Variants in EEF2K observed in about 807,000 individuals in gnomAD.
EEF2K encodes the protein eukaryotic elongation factor 2 kinase, also known as alternative protein EEF2K.
In EEF2K, 70 loss-of-function variants were observed where a neutral mutation model predicts 93.8. The ratio of observed to expected loss-of-function variants is 0.75; its 90% CI spans 0.62 to 0.91. The LOEUF is 0.91. Among genes scored for constraint, EEF2K ranks in the 40% least tolerant of loss-of-function variants. The probability of loss-of-function intolerance (pLI) is 0.00; values close to 1 mark genes in which losing one functional copy is unlikely to be tolerated. For missense variants in EEF2K, 935 were observed against 972.9 expected, an observed-to-expected ratio of 0.96 and a Z score of 0.52; for synonymous variants, 376 against 380.8, an observed-to-expected ratio of 0.99 and a Z score of 0.15.
At chr16:22,231,693 CA>C (rs2047116808) in intron 2 of EEF2K, among the ~76,000 whole-genome samples, 1 of 151,892 alleles carries the variant, frequency 6.6e-6, no homozygotes, top group African/African-American at 2.4e-5. Flanking sequence ...ACCCCCTCCT[CA>C]AAACTCATCA....
At chr16:22,220,820 C>T (rs1049913153) in intron 1 of EEF2K, among the ~76,000 whole-genome samples, 5 of 152,230 alleles carry the variant, frequency 3.3e-5, no homozygotes, top group Non-Finnish European at 7.3e-5. Context: ...TGGCCCTCCT[C>T]CTGGCACTGT....
intron 6 of EEF2K, among the ~76,000 whole-genome samples, chr16:22,253,971 C>T (rs959641382): frequency 6.6e-5 from 10 of 152,020 alleles, no homozygotes; most frequent in Admixed American, 4.6e-4. Context: ...TGGTGGTGCA[C>T]GCCTGTAATC....
At chr16:22,257,125 T>C in intron 7 of EEF2K, 128 bp from the exon 8 acceptor site, 1 of 1,513,220 alleles carries the variant, frequency 6.6e-7, no homozygotes, top group Non-Finnish European at 8.9e-7. Flanking sequence ...GAGGCCTTTT[T>C]CCTTTGTCTT....
chr16:22,214,428 T>G (rs2046940968), intron 1 of EEF2K, among the ~76,000 whole-genome samples: 2 of 142,370 alleles, frequency 1.4e-5, no homozygotes, highest in African/African-American at 5.3e-5. Flanking sequence ...GGTGACAGAG[T>G]GAGACCCTGT....
intron 16 of EEF2K, among the ~76,000 whole-genome samples, chr16:22,274,196 A>G (rs2047612825): frequency 6.6e-6 from 1 of 152,092 alleles, no homozygotes; most frequent in Admixed American, 6.6e-5. Flanking sequence ...TAATCTTAGC[A>G]CTTTGGGAGG....
intron 15 of EEF2K, among the ~76,000 whole-genome samples, chr16:22,268,318 A>G (rs944966651): frequency 6.6e-6 from 1 of 151,948 alleles, no homozygotes; most frequent in African/African-American, 2.4e-5. Flanking sequence ...AGCTGGGATT[A>G]CAGGTGCCTG....
rs781233444 is a variant in EEF2K at position 22,283,884 on chromosome 16, C to T, written c.2069-3C>T. 5.0e-6 allele frequency: 8 copies of T among 1,586,528 alleles called. No individual in the cohort carries two copies. In the South Asian group the frequency reaches 8.1e-5, roughly 16 times the overall value. On this transcript the variant is annotated splice_region_variant and splice_polypyrimidine_tract_variant and intron_variant, in intron 17 of 17. Coordinates refer to ENST00000263026, the MANE Select transcript of EEF2K (RefSeq NM_013302.5). ...CTTTTTGCCCCCCTTTGCTGTCTTT[C>T]AGGGGACTTGTATACCCAGGCAGCA...
chr16:22,214,964 G>T (rs145454666), intron 1 of EEF2K, among the ~76,000 whole-genome samples: 5 of 152,184 alleles, frequency 3.3e-5, no homozygotes, highest in African/African-American at 1.2e-4. Context: ...AATTGCCTGG[G>T]GTTTAAAAAC....
chr16:22,248,845 A>G (rs749445749), intron 4 of EEF2K, 30 bp downstream of exon 4: 3 of 1,606,616 alleles, frequency 1.9e-6, no homozygotes, highest in Admixed American at 3.3e-5. Flanking sequence ...CCGTGGGGAC[A>G]GGGCTGAGCA....
intron 1 of EEF2K, among the ~76,000 whole-genome samples, chr16:22,217,919 C>G (rs549753777): frequency 6.6e-6 from 1 of 152,310 alleles, no homozygotes; most frequent in African/African-American, 2.4e-5. Context: ...TTCCAGGTCT[C>G]AAATGACATC....
chr16:22,256,747 G>A lies in EEF2K; in HGVS notation c.619-1G>A. ...CCTGAGCCCACTCCCCATCCCACCA[G>A]GTGGACATCATGCAGATGTGCATCA... On this transcript the variant is annotated splice_acceptor_variant, in intron 6 of 17. Transcript: ENST00000263026. LOFTEE classifies it high-confidence loss of function. 2 of 1,613,650 alleles carry A rather than the reference G, an allele frequency of 1.2e-6. No homozygotes were observed. Among genetic ancestry groups the A allele is most frequent in the Non-Finnish European group, 1.7e-6 (2 of 1,179,886 alleles).
At chr16:22,274,810 T>C (rs1372434288) in intron 16 of EEF2K, among the ~76,000 whole-genome samples, 1 of 152,124 alleles carries the variant, frequency 6.6e-6, no homozygotes, top group Non-Finnish European at 1.5e-5. Context: ...GGTCTCACTA[T>C]GTTGTTCAGA....
chr16:22,256,484 C>T (rs767414421), intron 6 of EEF2K, among the ~76,000 whole-genome samples: 9 of 152,180 alleles, frequency 5.9e-5, no homozygotes, highest in Non-Finnish European at 1.2e-4. Context: ...ATTCACCTGC[C>T]TCAGCCTCCC....
At chr16:22,244,076 A>G (rs2047256231) in intron 2 of EEF2K, among the ~76,000 whole-genome samples, 1 of 151,918 alleles carries the variant, frequency 6.6e-6, no homozygotes, top group African/African-American at 2.4e-5. Context: ...AAAAAATGCA[A>G]AAAGTAGCAG....
chr16:22,264,795 G>GT, intron 12 of EEF2K, 23 bp from the exon 13 acceptor site: 1 of 1,613,540 alleles, frequency 6.2e-7, no homozygotes, highest in East Asian at 2.2e-5. Flanking sequence ...CTTTGGATCA[G>GT]TGTAATTTCT....
rs536921866 is a variant in EEF2K, at chr16:22,262,001, C to CCAAACA, written c.1300-1107_1300-1106insAACACA. Among the ~76,000 whole-genome samples, 266 of 138,112 alleles carry CCAAACA rather than the reference C, an allele frequency of 1.9e-3. 2 individuals carry two copies. Among genetic ancestry groups the CCAAACA allele is most frequent in the African/African-American group, 6.9e-3 (258 of 37,374 alleles). The allele number at this position is 138,112 out of a possible 152,430, so 90.6% of individuals were successfully genotyped here. ...GCCTGGGTGACAACGTGAGACCCTG[C>CCAAACA]CACACACACACACACACACACACAC... On this transcript the variant is annotated intron_variant, in intron 11 of 17. Transcript: ENST00000263026.
At chr16:22,250,069 A>G (rs1490937113) in intron 4 of EEF2K, among the ~76,000 whole-genome samples, 1 of 151,846 alleles carries the variant, frequency 6.6e-6, no homozygotes, top group Non-Finnish European at 1.5e-5. Flanking sequence ...GGCATGAACC[A>G]CTGTGCCCAG....
Position 22,260,303 on chromosome 16 carries a change from A to T in EEF2K, c.1232-159A>T, listed in dbSNP as rs148848511. On this transcript the variant is annotated intron_variant, in intron 10 of 17. Transcript: ENST00000263026. ...TTCTCAAGGAAGAACTTTAGCCTCC[A>T]GGTGCTGATAACATTCTTCTCCTTT... Among the ~76,000 whole-genome samples the T allele has an allele frequency of 1.9e-3, 286 of 152,192 alleles. 2 individuals are homozygous for T. The highest frequency in any genetic ancestry group is 0.017 in the Middle Eastern group (5 of 294).
At chr16:22,258,109 C>T (rs946094590) in intron 9 of EEF2K, among the ~76,000 whole-genome samples, 1 of 152,070 alleles carries the variant, frequency 6.6e-6, no homozygotes, top group South Asian at 2.1e-4. Flanking sequence ...TAGTCTTAGA[C>T]CTGGCTCTCC....
Sources: gnomAD v4.1 joint callset for allele counts (sites outside exome capture counted in the v4.1 genomes callset) on GRCh38, gnomAD v4.1.1 for gene constraint, MANE v1.5 for transcripts, NCBI Gene and HGNC (gene_info 2026-07-23, HGNC 2026-07-21) for gene names.